TRRAP: variants seen among roughly 807,000 people sequenced by gnomAD.
TRRAP encodes the protein transformation/transcription domain-associated protein.
A neutral mutation model predicts 438.8 loss-of-function variants in TRRAP; 41 were observed. The ratio of observed to expected loss-of-function variants is 0.09; its 90% CI spans 0.07 to 0.12. The LOEUF (loss-of-function observed/expected upper bound fraction) is 0.12, where lower values mean the gene tolerates loss of function less well. Among genes scored for constraint, TRRAP ranks in the 10% least tolerant of loss-of-function variants. The pLI is 1.00. For synonymous variants in TRRAP, 1,994 were observed against 1,962.9 expected (o/e 1.02, Z -0.42); for missense variants, 3,122 against 5,055.1 (o/e 0.62, Z 11.60).
Position 99,011,479 on chromosome 7 carries a change from C to A in TRRAP, c.11281C>A (p.Pro3761Thr), listed in dbSNP as rs1177365578. 1 of 1,614,150 alleles carries A rather than the reference C, an allele frequency of 6.2e-7. No homozygotes were observed. Among genetic ancestry groups the A allele is most frequent in the African/African-American group, 1.3e-5 (1 of 74,954 alleles). ...TCTGACCACCATCGGGGTCTCCGGC[C>A]CGTTGACAGCGTCCATGATTGCGGT... ...EFLTTIGVSG[P>T]LTASMIAVAR... Residue 3761 changes from proline to threonine, a missense_variant, in exon 72 of 73, where the codon CCG becomes ACG. By Grantham distance (38) the Pro-to-Thr change is conservative. This residue lies in a region of TRRAP where 192 missense variants were observed against 355.6 expected (regional missense o/e 0.54). Transcript: ENST00000456197. This position sits in a 1 kb window ranked among gnomAD's most constrained non-coding sequence, Gnocchi z 7.1.
intron 47 of TRRAP, among the ~76,000 whole-genome samples, chr7:98,963,703 A>G (rs371233874): frequency 3.3e-5 from 5 of 152,108 alleles, no homozygotes; most frequent in East Asian, 3.9e-4. Context: ...CTCTGTTAAG[A>G]ATTGGTCTTT....
chr7:98,999,834 T>C, intron 67 of TRRAP: 2 of 467,830 alleles, frequency 4.3e-6, no homozygotes, highest in Non-Finnish European at 3.9e-6. Flanking sequence ...TTTCTCCACC[T>C]CAGACAGGCT....
Position 99,008,380 on chromosome 7 carries a change from C to T in TRRAP, c.10757C>T (p.Pro3586Leu), listed in dbSNP as rs867728493. 2 of 1,614,006 alleles carry T rather than the reference C, an allele frequency of 1.2e-6. No homozygotes were observed. Among genetic ancestry groups the T allele is most frequent in the South Asian group, 1.1e-5 (1 of 91,072 alleles). Reference sequence around the variant, plus strand: ...GTTTCTCTTCCTCTCTCCCCAGTGCCCCGGGTTGTGGCAGTTTCCCCACAG... The same window carrying T: ...GTTTCTCTTCCTCTCTCCCCAGTGCTCCGGGTTGTGGCAGTTTCCCCACAG... ...TTKRHLFFTV[P>L]RVVAVSPQMR... Residue 3586 changes from proline (P) to leucine (L), a missense_variant, in exon 70 of 73, where the codon CCC (proline) becomes CTC (leucine). Physicochemically the swap from Pro to Leu is moderately conservative, Grantham distance 98 (BLOSUM62 -3). Around this residue, in one of 24 missense-constraint regions of TRRAP, gnomAD observed 95 missense variants for 144.1 expected, o/e 0.66. Coordinates refer to ENST00000456197, the MANE Select transcript of TRRAP (RefSeq NM_001375524.1).
intron 65 of TRRAP, among the ~76,000 whole-genome samples, chr7:98,992,524 G>A (rs1793471724): frequency 2.0e-5 from 3 of 152,068 alleles, no homozygotes. Flanking sequence ...CTCCTTAGTA[G>A]TAAGTGCATC....
At chr7:99,001,601 C>G (rs1319139294) in intron 67 of TRRAP, among the ~76,000 whole-genome samples, 2 of 152,186 alleles carry the variant, frequency 1.3e-5, no homozygotes, top group Admixed American at 1.3e-4. Context: ...TGACTCATCT[C>G]AAAGTGCAGT....
At chr7:99,010,488 A>G (rs1333202681) in intron 70 of TRRAP, among the ~76,000 whole-genome samples, 1 of 152,310 alleles carries the variant, frequency 6.6e-6, no homozygotes, top group East Asian at 1.9e-4. Flanking sequence ...AGCTGGGAAA[A>G]GACCCCGTAG....
intron 70 of TRRAP, among the ~76,000 whole-genome samples, chr7:99,009,328 C>T (rs1012699526): frequency 2.0e-5 from 3 of 152,086 alleles, no homozygotes; most frequent in Admixed American, 1.3e-4. Context: ...GACCTTGTCC[C>T]GAGTCACCCA....
Position 99,012,291 on chromosome 7 carries a change from T to C in TRRAP, c.11558T>C (p.Val3853Ala). Reference protein sequence around the residue: ...EGGESKVNTLVAAANSLDNLC... With the variant: ...EGGESKVNTLAAAANSLDNLC... ...GGGGAAAGCAAGGTGAACACCCTGG[T>C]GGCCGCGGCAAACAGCCTGGACAAT... Residue 3853 changes from valine (V) to alanine (A), a missense_variant, in exon 73 of 73, where the codon GTG becomes GCG. This residue lies in a region of TRRAP where 192 missense variants were observed against 355.6 expected (regional missense o/e 0.54). Transcript: ENST00000456197. The surrounding 1 kb of genome is among the most constrained non-coding windows in gnomAD (Gnocchi z 5.9). 1 of 1,613,094 alleles carries C rather than the reference T, an allele frequency of 6.2e-7. No homozygotes were observed. Among genetic ancestry groups the C allele is most frequent in the South Asian group, 1.1e-5 (1 of 90,914 alleles).
intron 27 of TRRAP, among the ~76,000 whole-genome samples, chr7:98,934,210 T>C (rs1160588071): frequency 6.6e-6 from 1 of 152,212 alleles, no homozygotes; most frequent in Non-Finnish European, 1.5e-5. Flanking sequence ...AAATTTAAAA[T>C]TTTTATGGGA....
Position 99,012,396 on chromosome 7 carries a change from G to C in TRRAP, c.*41G>C. 3 of 1,539,626 alleles carry C rather than the reference G, an allele frequency of 1.9e-6. No homozygotes were observed. The highest frequency in any genetic ancestry group is 2.6e-6 in the Non-Finnish European group (3 of 1,139,134). On this transcript the variant is annotated 3_prime_UTR_variant, in exon 73 of 73. Coordinates refer to ENST00000456197, the MANE Select transcript of TRRAP (RefSeq NM_001375524.1). The surrounding 1 kb of genome is among the most constrained non-coding windows in gnomAD (Gnocchi z 5.9). ...CCACCCGGAATGTGAAGGGCGCTCC[G>C]GGCTCTGAGCCCGCAGCTTTTACGA...
chr7:98,963,786 A>ATT (rs1308020693), intron 47 of TRRAP, among the ~76,000 whole-genome samples: 1 of 152,214 alleles, frequency 6.6e-6, no homozygotes, highest in African/African-American at 2.4e-5. Context: ...CAGATTTAAA[A>ATT]TTTAACGAGT....
At chr7:98,996,042 C>T (rs146555725) in intron 67 of TRRAP, among the ~76,000 whole-genome samples, 3 of 150,276 alleles carry the variant, frequency 2.0e-5, no homozygotes, top group Admixed American at 6.6e-5. Flanking sequence ...CACACTCCCC[C>T]GTCTAGTCCA....
intron 70 of TRRAP, among the ~76,000 whole-genome samples, chr7:99,010,513 A>G (rs781601638): frequency 5.3e-5 from 8 of 152,184 alleles, no homozygotes; most frequent in Non-Finnish European, 7.3e-5. Context: ...CCTGTACCAG[A>G]TGGTCGAACG....
intron 69 of TRRAP, among the ~76,000 whole-genome samples, 185 bp from the exon 70 acceptor site, chr7:99,008,192 G>T (rs191342707): frequency 6.6e-6 from 1 of 152,190 alleles, no homozygotes; most frequent in Non-Finnish European, 1.5e-5. Context: ...ATCAGTTCGT[G>T]CCGTCAGAGC....
chr7:98,981,054 A>C (rs1792892214), intron 58 of TRRAP, among the ~76,000 whole-genome samples: 2 of 152,202 alleles, frequency 1.3e-5, no homozygotes, highest in South Asian at 2.1e-4. Flanking sequence ...TGTCTCAAAA[A>C]AAATCACACT....
intron 39 of TRRAP, among the ~76,000 whole-genome samples, 168 bp from the exon 40 acceptor site, chr7:98,952,999 T>C (rs1584353602): frequency 7.1e-6 from 1 of 141,586 alleles, no homozygotes; most frequent in Non-Finnish European, 1.6e-5. Context: ...TAGGATGTTA[T>C]TGATAACCTC....
intron 22 of TRRAP, 133 bp downstream of exon 22, chr7:98,925,396 A>G (rs1554411392): frequency 3.1e-6 from 4 of 1,272,444 alleles, no homozygotes; most frequent in East Asian, 2.4e-5. Flanking sequence ...TTATCTACCT[A>G]CTCCTTCTTG....
At chr7:98,988,548 A>G (rs976994206) in intron 62 of TRRAP, among the ~76,000 whole-genome samples, 1 of 152,234 alleles carries the variant, frequency 6.6e-6, no homozygotes, top group Non-Finnish European at 1.5e-5. Context: ...TATGAAATGT[A>G]CAGAACCGGT....
chr7:98,991,551 G>A (rs1196610013), intron 64 of TRRAP, among the ~76,000 whole-genome samples: 2 of 152,208 alleles, frequency 1.3e-5, no homozygotes, highest in Non-Finnish European at 2.9e-5. Context: ...GCCTCTGCCT[G>A]TGACGGCTTA....
Sources: allele counts gnomAD v4.1 joint callset (sites outside exome capture counted in the v4.1 genomes callset), GRCh38; gene constraint gnomAD v4.1.1; regional missense constraint gnomAD v4.1.1; non-coding constraint Gnocchi (gnomAD v3.1); transcripts MANE v1.5; gene names NCBI Gene and HGNC (gene_info 2026-07-23, HGNC 2026-07-21).